Variants in DPP6 observed in about 807,000 individuals in gnomAD.
DPP6 encodes dipeptidyl peptidase like 6.
Under a neutral mutation model 122.6 loss-of-function variants are expected in DPP6, and 69 were observed. The ratio of observed to expected loss-of-function variants is 0.56; its 90% CI spans 0.46 to 0.69. The LOEUF is 0.69. Among genes scored for constraint, DPP6 ranks in the 30% least tolerant of loss-of-function variants. The pLI is 0.00. For synonymous variants in DPP6, 418 were observed against 433.1 expected, an observed-to-expected ratio of 0.97 and a Z score of 0.43; for missense variants, 928 against 1,116.9, an observed-to-expected ratio of 0.83 and a Z score of 2.41.
the DPP6 span, among the ~76,000 whole-genome samples, chr7:153,864,071 G>A: frequency 6.6e-6 from 1 of 152,170 alleles, no homozygotes; most frequent in African/African-American, 2.4e-5. Flanking sequence ...ATCTGGGCAT[G>A]TGTTTTCATT....
intron 10 of DPP6, among the ~76,000 whole-genome samples, chr7:154,787,822 GT>G (rs1797429363): frequency 6.6e-6 from 1 of 152,058 alleles, no homozygotes; most frequent in South Asian, 2.1e-4. Flanking sequence ...ACTTTACCAT[GT>G]CTTTTCTCTT....
At chr7:154,016,322 C>T (rs544499342) in intron 1 of DPP6, among the ~76,000 whole-genome samples, 22 of 138,748 alleles carry the variant, frequency 1.6e-4, no homozygotes, top group Non-Finnish European at 1.5e-5. Flanking sequence ...TTTGCTATAT[C>T]TGCAATGTGC....
intron 8 of DPP6, among the ~76,000 whole-genome samples, chr7:154,763,524 G>A (rs2131525049): frequency 6.6e-6 from 1 of 152,256 alleles, no homozygotes; most frequent in South Asian, 2.1e-4. Flanking sequence ...TCCATATGAT[G>A]AGATATAGAT....
At chr7:153,782,951 A>T in the DPP6 span, among the ~76,000 whole-genome samples, 15 of 152,320 alleles carry the variant, frequency 9.8e-5, no homozygotes, top group Admixed American at 6.5e-4. Context: ...TGTATAGACC[A>T]CCACTCTGCT....
chr7:154,205,948 C>T (rs1469639281), intron 1 of DPP6, among the ~76,000 whole-genome samples: 2 of 152,084 alleles, frequency 1.3e-5, no homozygotes, highest in Non-Finnish European at 2.9e-5. Context: ...GGCTGATGCC[C>T]CCAGACCACC....
At chr7:154,450,538 G>A (rs960214374) in intron 2 of DPP6, among the ~76,000 whole-genome samples, 38 of 143,992 alleles carry the variant, frequency 2.6e-4, no homozygotes, top group Non-Finnish European at 2.8e-4. Flanking sequence ...AAAAACTTGT[G>A]TAACTCCAAA....
chr7:154,892,169 A>G (rs1328449374), intron 25 of DPP6, among the ~76,000 whole-genome samples, 165 bp from the exon 26 acceptor site: 1 of 152,226 alleles, frequency 6.6e-6, no homozygotes, highest in African/African-American at 2.4e-5. Flanking sequence ...CCCAGGAGGA[A>G]GAGGCACTTC....
intron 1 of DPP6, among the ~76,000 whole-genome samples, chr7:153,935,761 G>C (rs1039112316): frequency 6.6e-6 from 1 of 152,110 alleles, no homozygotes; most frequent in Non-Finnish European, 1.5e-5. Flanking sequence ...ACCACCACGC[G>C]CTGCTCTCCC....
rs868260278 is a variant in DPP6 at position 154,483,887 on chromosome 7, G to A, written c.457+8850G>A. ...TTTTTGTATTTTTAGCAGAGACAGG[G>A]TTTCCCCATATTGCTCAGGCTGGTC... On this transcript the variant is annotated intron_variant, in intron 3 of 25. Transcript: ENST00000377770. The surrounding 1 kb of genome is among the most constrained non-coding windows in gnomAD (Gnocchi z 8.1). 6.6e-6 allele frequency among the ~76,000 whole-genome samples: 1 copy of A among 152,126 alleles called. No individual in the cohort carries two copies. Among genetic ancestry groups the A allele is most frequent in the South Asian group, 2.1e-4 (1 of 4,820 alleles).
intron 1 of DPP6, among the ~76,000 whole-genome samples, chr7:154,046,393 T>C (rs1331445581): frequency 6.6e-6 from 1 of 152,172 alleles, no homozygotes; most frequent in Non-Finnish European, 1.5e-5. Flanking sequence ...TTAAGATGCT[T>C]CCCTGCAGGG....
chr7:154,395,946 GTTT>G (rs34530908), intron 1 of DPP6, among the ~76,000 whole-genome samples: 64 of 145,486 alleles, frequency 4.4e-4, no homozygotes, highest in East Asian at 3.2e-3. Context: ...AATTTCTTGA[GTTT>G]TTTTTTTTTT....
chr7:154,672,371 G>A (rs914838042), intron 7 of DPP6, among the ~76,000 whole-genome samples: 2 of 152,180 alleles, frequency 1.3e-5, no homozygotes, highest in Non-Finnish European at 2.9e-5. Context: ...TTTCATCTTC[G>A]TATTCTAACA....
chr7:154,888,000 G>T (rs980395028), intron 23 of DPP6, among the ~76,000 whole-genome samples: 1 of 151,986 alleles, frequency 6.6e-6, no homozygotes, highest in African/African-American at 2.4e-5. Flanking sequence ...TGATGGCGGA[G>T]TCAGTCCCAG....
intron 1 of DPP6, among the ~76,000 whole-genome samples, chr7:154,393,011 A>G (rs1814755370): frequency 6.6e-6 from 1 of 152,214 alleles, no homozygotes; most frequent in Non-Finnish European, 1.5e-5. Context: ...TCTAGATTTA[A>G]ACCCTGGAAT....
At chr7:154,268,596 C>T (rs991926851) in intron 1 of DPP6, among the ~76,000 whole-genome samples, 3 of 152,184 alleles carry the variant, frequency 2.0e-5, no homozygotes, top group African/African-American at 7.2e-5. Context: ...TGGATGGATG[C>T]ATGCATTCAG....
chr7:154,464,658 G>C (rs1444502091), intron 2 of DPP6, among the ~76,000 whole-genome samples: 2 of 152,130 alleles, frequency 1.3e-5, no homozygotes, highest in Non-Finnish European at 2.9e-5. Context: ...CAGTCAAGTG[G>C]ACTTTTCTTA....
At position 154,504,170 on chromosome 7, in the gene DPP6, GATACACTTTTAAATTGCA is replaced by G. The variant is rs553626012; in HGVS notation, c.457+29137_457+29154del. On this transcript the variant is annotated intron_variant, in intron 3 of 25. Coordinates refer to ENST00000377770, the MANE Select transcript of DPP6 (RefSeq NM_130797.4). Reference sequence around the variant, plus strand: ...GAAACAGTGCCCTCTAGTGGCTAAGGATACACTTTTAAATTGCAATAACAGGTGCTATTTTTAGCTAGC... The same window carrying G: ...GAAACAGTGCCCTCTAGTGGCTAAGGATAACAGGTGCTATTTTTAGCTAGC... 1.4e-4 allele frequency among the ~76,000 whole-genome samples: 21 copies of G among 148,366 alleles called. No individual in the cohort carries two copies. In the East Asian group the frequency reaches 3.1e-3, roughly 22 times the overall value.
intron 1 of DPP6, among the ~76,000 whole-genome samples, chr7:154,382,292 A>G (rs764336625): frequency 6.6e-6 from 1 of 152,006 alleles, no homozygotes. Flanking sequence ...GGTTCAAGCA[A>G]TTCTGCTTCA....
chr7:154,488,885 T>C (rs1288732277), intron 3 of DPP6, among the ~76,000 whole-genome samples: 5 of 152,194 alleles, frequency 3.3e-5, no homozygotes, highest in Non-Finnish European at 5.9e-5. Context: ...TGGGACCTCA[T>C]GACGTGTTTA....
Sources: gnomAD v4.1 joint callset for allele counts (sites outside exome capture counted in the v4.1 genomes callset) on GRCh38, gnomAD v4.1.1 for gene constraint, Gnocchi (gnomAD v3.1) non-coding constraint, MANE v1.5 for transcripts, NCBI Gene and HGNC (gene_info 2026-07-23, HGNC 2026-07-21) for gene names.